The following SULF1 variants were observed in gnomAD, a reference collection of about 807,000 sequenced individuals.
The protein encoded by SULF1 is extracellular sulfatase Sulf-1.
A neutral mutation model predicts 110.5 loss-of-function variants in SULF1; 46 were observed. The observed-to-expected ratio is 0.42, with a 90% CI of 0.33 to 0.53. The LOEUF (loss-of-function observed/expected upper bound fraction) is 0.53, where lower values mean the gene tolerates loss of function less well. Ranked by LOEUF, SULF1 falls within the 20% of genes least tolerant of loss-of-function variation. The pLI, the probability that SULF1 is intolerant of heterozygous loss-of-function variation, is 0.12. For synonymous variants in SULF1, 371 were observed against 387.1 expected, an observed-to-expected ratio of 0.96 and a Z score of 0.49; for missense variants, 941 against 1,094.2, an observed-to-expected ratio of 0.86 and a Z score of 1.98.
chr8:69,563,493 AAT>A (rs1815656275), intron 3 of SULF1, 44 bp from the exon 4 acceptor site: 1 of 155,382 alleles, frequency 6.4e-6, no homozygotes, highest in Non-Finnish European at 1.4e-5. Context: ...CTGTTTTTAA[AAT>A]CATTGACTGA....
chr8:69,541,860 A>G (rs1389190272), intron 3 of SULF1, among the ~76,000 whole-genome samples: 1 of 152,214 alleles, frequency 6.6e-6, no homozygotes, highest in East Asian at 1.9e-4. Context: ...ATAAAGATGG[A>G]AATGGTTTAA....
At chr8:69,472,711 AAG>A (rs1165366016) in intron 1 of SULF1, among the ~76,000 whole-genome samples, 1 of 152,212 alleles carries the variant, frequency 6.6e-6, no homozygotes, top group Non-Finnish European at 1.5e-5. Context: ...CAAATTTTCA[AAG>A]AGAGGCATTA....
rs190909483 is a variant in SULF1 at position 69,574,306 on chromosome 8, C to T, written c.173-1664C>T. ...AGAATTCTCCATATTTCTCTTCATGCCAGGAAATCAATGTGTTGTTCTCAT... is the reference window on the plus strand; with the variant it reads ...AGAATTCTCCATATTTCTCTTCATGTCAGGAAATCAATGTGTTGTTCTCAT... On this transcript the variant is annotated intron_variant, in intron 5 of 22. Coordinates refer to ENST00000402687, the MANE Select transcript of SULF1 (RefSeq NM_001128205.2). Among the ~76,000 whole-genome samples, 600 of 152,232 alleles carry T rather than the reference C, an allele frequency of 3.9e-3. 1 individual carries two copies. The highest frequency in any genetic ancestry group is 5.9e-3 in the Non-Finnish European group (404 of 68,014).
At chr8:69,641,563 A>G (rs1396067259) in intron 22 of SULF1, among the ~76,000 whole-genome samples, 2 of 151,982 alleles carry the variant, frequency 1.3e-5, no homozygotes, top group Non-Finnish European at 2.9e-5. Flanking sequence ...TGGGCAACAA[A>G]GTGAGATAAA....
intron 19 of SULF1, among the ~76,000 whole-genome samples, chr8:69,632,500 CT>C (rs1381415222): frequency 6.6e-6 from 1 of 151,898 alleles, no homozygotes; most frequent in African/African-American, 2.4e-5. Flanking sequence ...AATATTATTG[CT>C]GTATTCCTCA....
chr8:69,622,891 C>T (rs145542251), intron 14 of SULF1, among the ~76,000 whole-genome samples: 58 of 152,172 alleles, frequency 3.8e-4, no homozygotes, highest in African/African-American at 1.4e-3. Flanking sequence ...GGAGGTTGCT[C>T]CCTGATCTGG....
chr8:69,623,155 C>T (rs115149078), intron 14 of SULF1, among the ~76,000 whole-genome samples: 3,101 of 149,036 alleles, frequency 0.021, 134 homozygotes, highest in African/African-American at 0.073. Flanking sequence ...CACCCCTTGC[C>T]TTAACCCTCC....
intron 5 of SULF1, among the ~76,000 whole-genome samples, chr8:69,569,334 AATATTTTAAAATC>A (rs1157577029): frequency 6.6e-6 from 1 of 152,216 alleles, no homozygotes. Flanking sequence ...GAATTAAGCC[AATATTTTAAAATC>A]ATATTTTAAA....
intron 8 of SULF1, among the ~76,000 whole-genome samples, chr8:69,598,771 C>G (rs1367850832): frequency 6.6e-6 from 1 of 152,214 alleles, no homozygotes. Context: ...TTTCCACACT[C>G]TAAATCTTGT....
At chr8:69,591,320 C>T (rs1280800572) in intron 8 of SULF1, among the ~76,000 whole-genome samples, 1 of 151,824 alleles carries the variant, frequency 6.6e-6, no homozygotes, top group Non-Finnish European at 1.5e-5. Flanking sequence ...TTTGGGAGGC[C>T]GAGGCGGGCG....
chr8:69,557,585 G>C (rs565107217), intron 3 of SULF1, among the ~76,000 whole-genome samples: 51 of 152,196 alleles, frequency 3.4e-4, no homozygotes, highest in African/African-American at 1.1e-3. Context: ...TCCCTGAGAA[G>C]ACAGAGAGAA....
intron 1 of SULF1, among the ~76,000 whole-genome samples, chr8:69,494,046 C>T (rs1228043461): frequency 2.0e-5 from 3 of 151,792 alleles, no homozygotes; most frequent in African/African-American, 4.8e-5. Flanking sequence ...TTTATAAAAC[C>T]GTGATTATAA....
intron 8 of SULF1, among the ~76,000 whole-genome samples, chr8:69,599,712 T>A (rs1807636136): frequency 6.6e-6 from 1 of 152,188 alleles, no homozygotes; most frequent in African/African-American, 2.4e-5. Flanking sequence ...CAAATATAAA[T>A]AAATAATTCT....
chr8:69,496,731 C>T (rs941567016), intron 2 of SULF1, among the ~76,000 whole-genome samples: 1 of 152,226 alleles, frequency 6.6e-6, no homozygotes, highest in Non-Finnish European at 1.5e-5. Context: ...GTACTACACC[C>T]TCACAATCTT....
chr8:69,659,277 A>G lies in SULF1; in HGVS notation c.*742A>G, dbSNP rs1812958893. On this transcript the variant is annotated 3_prime_UTR_variant, in exon 23 of 23. Transcript: ENST00000402687. ...AGAAGAATCACGAAAAGGAGAAGTC[A>G]CAGCACCTAGAAGGCAGCGCCTCCT... 1.3e-5 allele frequency: 6 copies of G among 446,902 alleles called. No homozygotes were observed. In the Middle Eastern group the frequency reaches 1.0e-3, roughly 74 times the overall value. 27.7% of individuals were successfully genotyped at this position (446,902 alleles called of 1,614,324 possible).
intron 3 of SULF1, among the ~76,000 whole-genome samples, chr8:69,562,381 A>C (rs1342109585): frequency 6.6e-6 from 1 of 152,210 alleles, no homozygotes; most frequent in East Asian, 1.9e-4. Context: ...CGATGCTTAC[A>C]CTTAATTAGT....
chr8:69,638,516 G>T lies in SULF1; in HGVS notation c.2299G>T (p.Ala767Ser). Residue 767 changes from alanine to serine, a missense_variant, in exon 20 of 23, where the codon GCT (alanine) becomes TCT (serine). Around this residue, in one of 3 missense-constraint regions of SULF1, gnomAD observed 112 missense variants for 133.5 expected, o/e 0.84. Coordinates refer to ENST00000402687, the MANE Select transcript of SULF1 (RefSeq NM_001128205.2). ...TTACCCAACAGTGGGATCTTTCTGT[G>T]CTTGCACGAGTTCTAACAATAACAC... ...APFWNLGSFC[A>S]CTSSNNNTYW... 6.2e-7 allele frequency: 1 copy of T among 1,612,232 alleles called. No homozygotes were observed.
intron 22 of SULF1, among the ~76,000 whole-genome samples, chr8:69,644,760 CAAAAAAA>C (rs59189043): frequency 7.8e-5 from 9 of 115,146 alleles, no homozygotes; most frequent in South Asian, 2.7e-4. Flanking sequence ...GACGCCGTCT[CAAAAAAA>C]AAAAAAAAAA....
intron 3 of SULF1, among the ~76,000 whole-genome samples, chr8:69,535,444 A>AG (rs1813370984): frequency 6.6e-6 from 1 of 152,116 alleles, no homozygotes; most frequent in Non-Finnish European, 1.5e-5. Context: ...TCTATGGGAG[A>AG]GAGGAGGAGG....
Sources: gnomAD v4.1 joint callset for allele counts (sites outside exome capture counted in the v4.1 genomes callset) on GRCh38, gnomAD v4.1.1 for gene constraint, gnomAD v4.1.1 regional missense constraint, MANE v1.5 for transcripts, NCBI Gene and HGNC (gene_info 2026-07-23, HGNC 2026-07-21) for gene names.